Variants in RPL14 observed in about 807,000 individuals in gnomAD.
RPL14 encodes ribosomal protein L14, also known as large ribosomal subunit protein eL14.
RPL14 carries 4 observed loss-of-function variants against 25.3 expected under a neutral mutation model. The observed-to-expected ratio is 0.16, with a 90% confidence interval of 0.08 to 0.36. The LOEUF is 0.36. RPL14 is among the 10% of genes least tolerant of loss of function. The pLI is 1.00. For missense variants in RPL14, 212 were observed against 261.9 expected (o/e 0.81, Z 1.31); for synonymous variants, 75 against 89.8 (o/e 0.84, Z 0.93).
intron 3 of RPL14, among the ~76,000 whole-genome samples, chr3:40,460,402 C>T (rs1336796481): frequency 1.3e-5 from 2 of 151,720 alleles, no homozygotes; most frequent in African/African-American, 2.4e-5. Flanking sequence ...CCTGTAGCCC[C>T]AGCTATTTGG....
Position 40,457,969 on chromosome 3 carries a change from T to C in RPL14, c.83T>C (p.Val28Ala). ...CATGCCGGAAAATTGGTCGCGATTG[T>C]AGATGTTATTGATCAGAACAGGGTA... Reference protein sequence around the residue: ...GPHAGKLVAIVDVIDQNRALV... With the variant: ...GPHAGKLVAIADVIDQNRALV... The change falls in exon 2 of 6, where the codon GTA becomes GCA. Residue 28 changes from valine (V) to alanine (A), a missense_variant. Physicochemically the swap from Val to Ala is moderately conservative, Grantham distance 64 (BLOSUM62 0). This residue lies in a region of RPL14 where 143 missense variants were observed against 180.3 expected (regional missense o/e 0.79). Coordinates refer to ENST00000396203, the MANE Select transcript of RPL14 (RefSeq NM_001034996.3). 6.2e-7 allele frequency: 1 copy of C among 1,614,176 alleles called. No individual in the cohort carries two copies. The highest frequency in any genetic ancestry group is 8.5e-7 in the Non-Finnish European group (1 of 1,180,016).
rs1697001524 is a variant in RPL14, at chr3:40,464,612, T to C, written c.*2380T>C. The C allele has an allele frequency of 9.2e-6, 4 of 437,110 alleles. No homozygotes were observed. Among genetic ancestry groups the C allele is most frequent in the South Asian group, 6.4e-5 (4 of 62,042 alleles). The allele number at this position is 437,110 out of a possible 1,614,324, so 27.1% of individuals were successfully genotyped here. Reference sequence around the variant, plus strand: ...GGAAGCTACTGAGGGTTTTTTAAAATGGCGTGATATCTCAGATTTAGATCA... The same window carrying C: ...GGAAGCTACTGAGGGTTTTTTAAAACGGCGTGATATCTCAGATTTAGATCA... On this transcript the variant is annotated 3_prime_UTR_variant, in exon 6 of 6. Transcript: ENST00000396203.
intron 2 of RPL14, 116 bp from the exon 3 acceptor site, chr3:40,458,526 T>C: frequency 2.7e-6 from 2 of 729,484 alleles, no homozygotes; most frequent in Non-Finnish European, 2.4e-6. Context: ...GAGCAATTTA[T>C]TAAAATAGTA....
Position 40,463,175 on chromosome 3 carries a change from G to A in RPL14, c.*943G>A, listed in dbSNP as rs28707772. 0.25 allele frequency: 37,974 copies of A among 151,940 alleles called. 5,726 individuals carry two copies. The highest frequency in any genetic ancestry group is 0.48 in the East Asian group (2,458 of 5,136). 9.4% of individuals were successfully genotyped at this position (151,940 alleles called of 1,614,324 possible). A position where few individuals can be genotyped will look rare whatever the true frequency, so the allele number is the denominator to read the frequency against. On this transcript the variant is annotated 3_prime_UTR_variant, in exon 6 of 6. Coordinates refer to ENST00000396203, the MANE Select transcript of RPL14 (RefSeq NM_001034996.3). The stretch of plus-strand genomic sequence containing the variant: ...TCCGCCTGTCTCGGCCTCCCAGAGC[G>A]GGGGATTATAGGCATGGGCCACTGC...
chr3:40,458,893 T>TGCCTGC, intron 3 of RPL14, 157 bp downstream of exon 3: 1 of 642,162 alleles, frequency 1.6e-6, no homozygotes, highest in Non-Finnish European at 2.8e-6. Flanking sequence ...TAAAATGTCT[T>TGCCTGC]GCCTGCGCGT....
chr3:40,458,471 G>T, intron 2 of RPL14, 171 bp from the exon 3 acceptor site: 1 of 603,482 alleles, frequency 1.7e-6, no homozygotes, highest in Non-Finnish European at 2.9e-6. Flanking sequence ...TTGAGCAAAA[G>T]ACATACATAT....
rs372898415 is a variant in RPL14, at chr3:40,458,743, G to A, written c.200+7G>A. The A allele has an allele frequency of 1.1e-5, 17 of 1,609,978 alleles. No individual in the cohort carries two copies. The African/African-American group carries it at 2.0e-4, about 19-fold the overall frequency. On this transcript the variant is annotated splice_region_variant and intron_variant, in intron 3 of 5. Transcript: ENST00000396203. ...TCCTCAAGTTTCCGCACAGGTAACT[G>A]TCCACTAATCACTCCTCCCTCCCAT...
chr3:40,457,525 C>T (rs1384261410), intron 1 of RPL14, 51 bp downstream of exon 1: 1 of 1,414,570 alleles, frequency 7.1e-7, no homozygotes, highest in Non-Finnish European at 9.7e-7. Context: ...TTCCCGGACT[C>T]GCGCCCTTCC....
rs535270906 is a variant in RPL14, at chr3:40,458,740, A to G, written c.200+4A>G. ...TCATCCTCAAGTTTCCGCACAGGTA[A>G]CTGTCCACTAATCACTCCTCCCTCC... On this transcript the variant is annotated splice_donor_region_variant and intron_variant, in intron 3 of 5. Transcript: ENST00000396203. The G allele has an allele frequency of 1.9e-5, 31 of 1,612,366 alleles. No homozygotes were observed. In the African/African-American group the frequency reaches 3.5e-4, roughly 18 times the overall value.
intron 3 of RPL14, among the ~76,000 whole-genome samples, chr3:40,459,606 A>C (rs9880360): frequency 0.069 from 10,500 of 152,108 alleles, 852 homozygotes; most frequent in African/African-American, 0.19. Flanking sequence ...CTATAATCCC[A>C]GCACTTTGGA....
At chr3:40,457,760 C>A in intron 1 of RPL14, 130 bp from the exon 2 acceptor site, 2 of 899,572 alleles carry the variant, frequency 2.2e-6, no homozygotes, top group Non-Finnish European at 3.5e-6. Flanking sequence ...TGGCGCCTGG[C>A]TCTCGGGCGT....
At position 40,458,728 on chromosome 3, in the gene RPL14, T is replaced by G. The variant is rs778466178; in HGVS notation, c.192T>G (p.Phe64Leu). 1.2e-6 allele frequency: 2 copies of G among 1,613,294 alleles called. No homozygotes were observed. The highest frequency in any genetic ancestry group is 1.7e-6 in the Non-Finnish European group (2 of 1,179,198). Residue 64 changes from phenylalanine to leucine, a missense_variant, in exon 3 of 6, where the codon TTT becomes TTG. Transcript: ENST00000396203. ...AGCTCACTGATTTCATCCTCAAGTT[T>G]CCGCACAGGTAACTGTCCACTAATC... ...CMQLTDFILK[F>L]PHSAHQKYVR...
chr3:40,468,341 GAC>G lies in RPL14; in HGVS notation c.*6111_*6112del, dbSNP rs1223818313. 1 of 152,178 alleles carries G rather than the reference GAC, an allele frequency of 6.6e-6. No homozygotes were observed. Among genetic ancestry groups the G allele is most frequent in the African/African-American group, 2.4e-5 (1 of 41,442 alleles). 9.4% of individuals were successfully genotyped at this position (152,178 alleles called of 1,614,324 possible). On this transcript the variant is annotated 3_prime_UTR_variant, in exon 6 of 6. Coordinates refer to ENST00000396203, the MANE Select transcript of RPL14 (RefSeq NM_001034996.3). ...TAGATTTCCATCAGCAGTAAACAAA[GAC>G]ATTCCTGCCTGGCAGTCTTGAACTC... is the stretch of plus-strand genomic sequence containing the variant.
Position 40,466,669 on chromosome 3 carries a change from T to C in RPL14, c.*4437T>C, listed in dbSNP as rs905696445. The C allele has an allele frequency of 3.9e-5, 6 of 152,180 alleles. No homozygotes were observed. Among genetic ancestry groups the C allele is most frequent in the Non-Finnish European group, 8.8e-5 (6 of 68,024 alleles). The allele number at this position is 152,180 out of a possible 1,614,324, so 9.4% of individuals were successfully genotyped here. ...GCCTCATATTGTGGCAAGGATCAAA[T>C]GAGTCAAATAAGATGCTTGTGAAAG... On this transcript the variant is annotated 3_prime_UTR_variant, in exon 6 of 6. Coordinates refer to ENST00000396203, the MANE Select transcript of RPL14 (RefSeq NM_001034996.3).
Position 40,464,162 on chromosome 3 carries a change from G to A in RPL14, c.*1930G>A, listed in dbSNP as rs1368341591. ...TGTATTAGAGATGGGGTTTTGCCAT[G>A]TCAGCCAGACTGGTCTTGAACTCCT... On this transcript the variant is annotated 3_prime_UTR_variant, in exon 6 of 6. Coordinates refer to ENST00000396203, the MANE Select transcript of RPL14 (RefSeq NM_001034996.3). The A allele has an allele frequency of 1.7e-5, 5 of 299,002 alleles. No homozygotes were observed. Among genetic ancestry groups the A allele is most frequent in the Non-Finnish European group, 3.3e-5 (5 of 149,746 alleles). 18.5% of individuals were successfully genotyped at this position (299,002 alleles called of 1,614,324 possible). A position where few individuals can be genotyped will look rare whatever the true frequency, so the allele number is the denominator to read the frequency against.
intron 1 of RPL14, 143 bp from the exon 2 acceptor site, chr3:40,457,747 G>C: frequency 1.2e-6 from 1 of 802,456 alleles, no homozygotes; most frequent in Non-Finnish European, 2.0e-6. Flanking sequence ...CGTCCATCCA[G>C]GTTGGCGCCT....
rs1388909936 is a variant in RPL14, at chr3:40,465,236, A to T, written c.*3004A>T. ...TAGCAGGGGCACATGGAAGCTAGGGAAAGAATTTTGCTTGAGATCGTCAAA... is the reference window on the plus strand; with the variant it reads ...TAGCAGGGGCACATGGAAGCTAGGGTAAGAATTTTGCTTGAGATCGTCAAA... On this transcript the variant is annotated 3_prime_UTR_variant, in exon 6 of 6. Coordinates refer to ENST00000396203, the MANE Select transcript of RPL14 (RefSeq NM_001034996.3). 6.6e-6 allele frequency: 1 copy of T among 152,264 alleles called. No individual in the cohort carries two copies. The highest frequency in any genetic ancestry group is 2.4e-5 in the African/African-American group (1 of 41,428). 9.4% of individuals were successfully genotyped at this position (152,264 alleles called of 1,614,324 possible). A position where few individuals can be genotyped will look rare whatever the true frequency, so the allele number is the denominator to read the frequency against.
At position 40,466,387 on chromosome 3, in the gene RPL14, ATGCT is replaced by A. The variant is rs1697027837; in HGVS notation, c.*4156_*4159del. On this transcript the variant is annotated 3_prime_UTR_variant, in exon 6 of 6. Coordinates refer to ENST00000396203, the MANE Select transcript of RPL14 (RefSeq NM_001034996.3). The stretch of plus-strand genomic sequence containing the variant: ...AGACGGGGGATGGCATACGAAAAGA[ATGCT>A]GATTTCAGGCTGGGCACGGTGGCTC... 1 of 151,082 alleles carries A rather than the reference ATGCT, an allele frequency of 6.6e-6. No homozygotes were observed. The highest frequency in any genetic ancestry group is 1.5e-5 in the Non-Finnish European group (1 of 67,734). The allele number at this position is 151,082 out of a possible 1,614,324, so 9.4% of individuals were successfully genotyped here. A position where few individuals can be genotyped will look rare whatever the true frequency, so the allele number is the denominator to read the frequency against.
chr3:40,458,397 T>G lies in RPL14; in HGVS notation c.106-245T>G. On this transcript the variant is annotated intron_variant, in intron 2 of 5. Coordinates refer to ENST00000396203, the MANE Select transcript of RPL14 (RefSeq NM_001034996.3). ...AAGTTGCCTGTAAATTACATGTGGT[T>G]GGTTTCTATGGGGTACTATATAGTT... 3 of 531,786 alleles carry G rather than the reference T, an allele frequency of 5.6e-6. No individual in the cohort carries two copies. The South Asian group carries it at 7.2e-5, about 13-fold the overall frequency. 32.9% of individuals were successfully genotyped at this position (531,786 alleles called of 1,614,324 possible).
Sources: allele counts gnomAD v4.1 joint callset (sites outside exome capture counted in the v4.1 genomes callset), GRCh38; gene constraint gnomAD v4.1.1; regional missense constraint gnomAD v4.1.1; transcripts MANE v1.5; gene names NCBI Gene and HGNC (gene_info 2026-07-23, HGNC 2026-07-21).